HDAC4: variants seen among roughly 807,000 people sequenced by gnomAD.
HDAC4 encodes histone deacetylase A.
A neutral mutation model predicts 135.1 loss-of-function variants in HDAC4; 16 were observed. The observed-to-expected ratio is 0.12, with a 90% CI of 0.08 to 0.18. The LOEUF (loss-of-function observed/expected upper bound fraction) is 0.18. HDAC4 is among the 10% of genes least tolerant of loss of function. The pLI, the probability that HDAC4 is intolerant of heterozygous loss-of-function variation, is 1.00. For missense variants in HDAC4, 1,143 were observed against 1,511.8 expected, an observed-to-expected ratio of 0.76 and a Z score of 4.05; for synonymous variants, 685 against 653.4, an observed-to-expected ratio of 1.05 and a Z score of -0.74.
intron 12 of HDAC4, among the ~76,000 whole-genome samples, chr2:239,123,815 C>T (rs60964894): frequency 0.074 from 11,233 of 152,150 alleles, 1,405 homozygotes; most frequent in African/African-American, 0.26. Flanking sequence ...TCTCTCCCCA[C>T]GGCTTTACCT....
At chr2:239,383,795 C>G (rs1210256412) in intron 1 of HDAC4, among the ~76,000 whole-genome samples, 1 of 152,192 alleles carries the variant, frequency 6.6e-6, no homozygotes. Flanking sequence ...ACAACAGAGA[C>G]TGGAAAGTGA....
intron 3 of HDAC4, among the ~76,000 whole-genome samples, chr2:239,210,299 C>T (rs1246530628): frequency 6.6e-6 from 1 of 151,962 alleles, no homozygotes; most frequent in Non-Finnish European, 1.5e-5. Flanking sequence ...ATCTTAGAAA[C>T]AATGCTGAGT....
chr2:239,258,493 T>C (rs190308266), intron 2 of HDAC4, among the ~76,000 whole-genome samples: 1 of 152,226 alleles, frequency 6.6e-6, no homozygotes, highest in Admixed American at 6.5e-5. Flanking sequence ...CAGAAAACAG[T>C]AATATCTTTC....
intron 5 of HDAC4, among the ~76,000 whole-genome samples, chr2:239,170,440 GCA>G (rs2043378787): frequency 1.3e-5 from 2 of 152,182 alleles, no homozygotes; most frequent in Admixed American, 1.3e-4. Context: ...CAAATCTAGT[GCA>G]GATTAATTAA....
At chr2:239,260,157 G>A (rs1014137368) in intron 2 of HDAC4, among the ~76,000 whole-genome samples, 7 of 152,204 alleles carry the variant, frequency 4.6e-5, no homozygotes, top group Admixed American at 1.3e-4. Context: ...CCCATCCAAC[G>A]GAAGCCCCTC....
rs1285897830 is a variant in HDAC4 at position 239,262,188 on chromosome 2, T to C, written c.23-25524A>G. On this transcript the variant is annotated intron_variant, in intron 2 of 26. Transcript: ENST00000543185. The surrounding 1 kb of genome is among the most constrained non-coding windows in gnomAD (Gnocchi z 4.1). The stretch of plus-strand genomic sequence containing the variant: ...GTCCACTGAGACCCACGACAAGGTA[T>C]CCACGTGGCTTTTTATAAGCTAGTA... Among the ~76,000 whole-genome samples, 1 of 152,144 alleles carries C rather than the reference T, an allele frequency of 6.6e-6. No individual in the cohort carries two copies. The highest frequency in any genetic ancestry group is 1.5e-5 in the Non-Finnish European group (1 of 68,032).
chr2:239,239,793 G>A (rs556978403), intron 2 of HDAC4, among the ~76,000 whole-genome samples: 76 of 152,328 alleles, frequency 5.0e-4, no homozygotes, highest in South Asian at 2.1e-4. Context: ...GTTCTGAGGC[G>A]GCACTGGGTT....
intron 1 of HDAC4, among the ~76,000 whole-genome samples, chr2:239,360,680 G>A (rs1693805991): frequency 6.6e-6 from 1 of 151,704 alleles, no homozygotes; most frequent in African/African-American, 2.4e-5. Flanking sequence ...TACTAGACAG[G>A]GAGCGGGGAC....
chr2:239,182,259 C>T (rs3791542), intron 4 of HDAC4, among the ~76,000 whole-genome samples: 22,188 of 152,234 alleles, frequency 0.15, 2,094 homozygotes, highest in East Asian at 0.27. Context: ...ATCTCCTCGT[C>T]ATGGCGAGCC....
intron 13 of HDAC4, among the ~76,000 whole-genome samples, chr2:239,114,688 CAATT>C (rs548607915): frequency 7.2e-5 from 11 of 152,266 alleles, no homozygotes; most frequent in Admixed American, 6.5e-4. Context: ...CCTTTTTGAT[CAATT>C]AATACCTCTA....
At chr2:239,344,764 G>A (rs993016383) in intron 2 of HDAC4, among the ~76,000 whole-genome samples, 1 of 152,136 alleles carries the variant, frequency 6.6e-6, no homozygotes, top group Admixed American at 6.5e-5. Context: ...TTTAGAAAGC[G>A]GAAGCAAGCA....
chr2:239,159,983 G>A (rs939309136), intron 6 of HDAC4, among the ~76,000 whole-genome samples: 2 of 152,254 alleles, frequency 1.3e-5, no homozygotes, highest in Non-Finnish European at 2.9e-5. Flanking sequence ...TGGCTTGACT[G>A]TAGAATAAAG....
In HDAC4 at chr2:239,050,121, G is replaced by T. The variant is rs1199399349; in HGVS notation, c.*2976C>A. The T allele has an allele frequency of 6.6e-6, 1 of 152,622 alleles. No homozygotes were observed. The highest frequency in any genetic ancestry group is 1.5e-5 in the Non-Finnish European group (1 of 68,066). 9.5% of individuals were successfully genotyped at this position (152,622 alleles called of 1,614,324 possible). A position where few individuals can be genotyped will look rare whatever the true frequency, so the allele number is the denominator to read the frequency against. Reference sequence around the variant, plus strand: ...GAGAAGAGCCGAGTGTGTCTTCAAAGAAAAGGCTACACAGTAATGCTCTCA... The same window carrying T: ...GAGAAGAGCCGAGTGTGTCTTCAAATAAAAGGCTACACAGTAATGCTCTCA... On this transcript the variant is annotated 3_prime_UTR_variant, in exon 27 of 27. Transcript: ENST00000543185.
At chr2:239,273,373 A>C (rs1239943888) in intron 2 of HDAC4, among the ~76,000 whole-genome samples, 1 of 152,214 alleles carries the variant, frequency 6.6e-6, no homozygotes, top group African/African-American at 2.4e-5. Context: ...CTCACCAGTG[A>C]CCTTCAGATG....
intron 17 of HDAC4, among the ~76,000 whole-genome samples, chr2:239,090,375 T>A (rs2036393708): frequency 6.6e-6 from 1 of 151,020 alleles, no homozygotes; most frequent in Non-Finnish European, 1.5e-5. Flanking sequence ...CTCCTTTCCC[T>A]CAATTGCTTC....
chr2:239,214,504 T>TTA (rs1323838334), intron 3 of HDAC4, among the ~76,000 whole-genome samples: 1 of 152,168 alleles, frequency 6.6e-6, no homozygotes, highest in Non-Finnish European at 1.5e-5. Context: ...GGGGGTTCCA[T>TTA]TATTCTGTCA....
chr2:239,095,568 C>T (rs1387544013), intron 16 of HDAC4, among the ~76,000 whole-genome samples: 1 of 152,168 alleles, frequency 6.6e-6, no homozygotes, highest in Non-Finnish European at 1.5e-5. Context: ...ATGTATGCAG[C>T]GACAGCCCCT....
chr2:239,376,392 G>C (rs1695009549), intron 1 of HDAC4, among the ~76,000 whole-genome samples: 1 of 152,052 alleles, frequency 6.6e-6, no homozygotes. Context: ...ATGTGAGGAA[G>C]GTGCTGTGTG....
intron 4 of HDAC4, among the ~76,000 whole-genome samples, chr2:239,182,053 G>A (rs779995690): frequency 2.0e-4 from 30 of 152,138 alleles, no homozygotes; most frequent in Non-Finnish European, 3.8e-4. Flanking sequence ...ACAAACATCT[G>A]GGCATGTACA....
Sources: gnomAD v4.1 joint callset for allele counts (sites outside exome capture counted in the v4.1 genomes callset) on GRCh38, gnomAD v4.1.1 for gene constraint, Gnocchi (gnomAD v3.1) non-coding constraint, MANE v1.5 for transcripts, NCBI Gene and HGNC (gene_info 2026-07-23, HGNC 2026-07-21) for gene names.